The following CFAP74 variants were observed in gnomAD, a reference collection of about 807,000 sequenced individuals.
CFAP74 encodes the protein cilia and flagella associated protein 74.
CFAP74 carries 124 observed loss-of-function variants against 188.9 expected under a neutral mutation model. That is an observed-to-expected ratio of 0.66 (90% CI 0.57 to 0.76). CFAP74 has a LOEUF of 0.76. CFAP74 is among the 30% of genes least tolerant of loss of function. The pLI, the probability that CFAP74 is intolerant of heterozygous loss-of-function variation, is 0.00. For missense variants in CFAP74, 2,198 were observed against 2,165.2 expected (o/e 1.02, Z -0.30); for synonymous variants, 956 against 916.7 (o/e 1.04, Z -0.77).
At chr1:1,936,586 C>G (rs1424674824) in intron 25 of CFAP74, among the ~76,000 whole-genome samples, 1 of 151,830 alleles carries the variant, frequency 6.6e-6, no homozygotes, top group Non-Finnish European at 1.5e-5. Context: ...AAGAAAAGCT[C>G]TCTGAACTGG....
chr1:1,967,643 G>C (rs1655564519), intron 11 of CFAP74, among the ~76,000 whole-genome samples: 1 of 152,170 alleles, frequency 6.6e-6, no homozygotes, highest in Non-Finnish European at 1.5e-5. Flanking sequence ...AGACCCTGTG[G>C]AGGCCAAAGC....
At chr1:1,943,618 C>T (rs1224705071) in intron 21 of CFAP74, among the ~76,000 whole-genome samples, 1 of 152,242 alleles carries the variant, frequency 6.6e-6, no homozygotes, top group Non-Finnish European at 1.5e-5. Flanking sequence ...GTCTGGAGCC[C>T]TTGCCAAACC....
intron 1 of CFAP74, among the ~76,000 whole-genome samples, chr1:1,996,499 G>C (rs758715357): frequency 6.6e-6 from 1 of 152,154 alleles, no homozygotes; most frequent in Non-Finnish European, 1.5e-5. Flanking sequence ...TGCACTTCAC[G>C]TTGATTGATC....
At chr1:1,946,122 C>T (rs992960267) in intron 20 of CFAP74, among the ~76,000 whole-genome samples, 195 bp downstream of exon 20, 12 of 151,908 alleles carry the variant, frequency 7.9e-5, no homozygotes, top group Admixed American at 5.2e-4. Flanking sequence ...GCATGCCTGC[C>T]TGTGTATGCC....
At chr1:1,980,056 G>A (rs1240310843) in intron 6 of CFAP74, among the ~76,000 whole-genome samples, 2 of 151,342 alleles carry the variant, frequency 1.3e-5, no homozygotes, top group Admixed American at 1.3e-4. Flanking sequence ...CACGCAGTGG[G>A]CACCCTCTTA....
intron 25 of CFAP74, among the ~76,000 whole-genome samples, chr1:1,934,612 T>G (rs1412190413): frequency 6.7e-6 from 1 of 149,408 alleles, no homozygotes; most frequent in Non-Finnish European, 1.5e-5. Context: ...TATGTGTGTG[T>G]GTTAGGTTGT....
Position 1,922,723 on chromosome 1 carries a change from T to A in CFAP74, c.4684A>T (p.Thr1562Ser). 6.2e-7 allele frequency: 1 copy of A among 1,603,118 alleles called. No homozygotes were observed. Among genetic ancestry groups the A allele is most frequent in the South Asian group, 1.1e-5 (1 of 90,102 alleles). Residue 1562 changes from threonine (T) to serine (S), a missense_variant and splice_region_variant, in exon 38 of 39, where the codon ACC (threonine) becomes TCC (serine). By Grantham distance (58) the Thr-to-Ser change is moderately conservative (BLOSUM62 1). Transcript: ENST00000682832. ...ACGCTGTCTATGCTGAACTCAACGG[T>A]CTGTGGGGTATGGGGCTCCTGTAGG... ...IRTTQPSPKKTVEFSIDSVAS... is the reference protein window; with the variant it reads ...IRTTQPSPKKSVEFSIDSVAS...
At chr1:1,970,448 G>A (rs900506138) in intron 10 of CFAP74, among the ~76,000 whole-genome samples, 11 of 152,176 alleles carry the variant, frequency 7.2e-5, no homozygotes, top group Non-Finnish European at 1.3e-4. Flanking sequence ...GCGTGGACTG[G>A]AGTAGGGGCA....
At chr1:1,947,691 G>A (rs1018654711) in intron 18 of CFAP74, among the ~76,000 whole-genome samples, 1 of 152,232 alleles carries the variant, frequency 6.6e-6, no homozygotes, top group African/African-American at 2.4e-5. Flanking sequence ...CTGCCCGGTC[G>A]GGTCAGAGCA....
intron 1 of CFAP74, among the ~76,000 whole-genome samples, chr1:1,995,180 G>T (rs1038072343): frequency 2.6e-5 from 4 of 152,028 alleles, no homozygotes. Flanking sequence ...TGCCGGATAG[G>T]ACTGTACTTT....
intron 22 of CFAP74, among the ~76,000 whole-genome samples, chr1:1,941,530 C>T (rs1159460558): frequency 5.3e-5 from 8 of 152,236 alleles, no homozygotes; most frequent in Non-Finnish European, 1.0e-4. Context: ...ACCCTCAAGA[C>T]ACAGGTAAAG....
Position 1,981,647 on chromosome 1 carries a change from C to T in CFAP74, c.500+3739G>A, listed in dbSNP as rs1291885209. 6.3e-5 allele frequency among the ~76,000 whole-genome samples: 5 copies of T among 79,088 alleles called. 1 individual carries two copies. The highest frequency in any genetic ancestry group is 1.2e-4 in the Non-Finnish European group (5 of 41,070). 51.9% of individuals were successfully genotyped at this position (79,088 alleles called of 152,430 possible). A position where few individuals can be genotyped will look rare whatever the true frequency, so the allele number is the denominator to read the frequency against. On this transcript the variant is annotated intron_variant, in intron 6 of 38. Coordinates refer to ENST00000682832, the MANE Select transcript of CFAP74 (RefSeq NM_001304360.2). ...CACGGGGGCACGCAGGACACACAGC[C>T]GCGGACAGACACAGGGGCACGCAGG...
At chr1:1,956,492 C>A in intron 17 of CFAP74, 128 bp downstream of exon 17, 1 of 1,139,814 alleles carries the variant, frequency 8.8e-7, no homozygotes, top group South Asian at 1.4e-5. Context: ...TTGAGGAGGC[C>A]CCCACACTGC....
intron 10 of CFAP74, among the ~76,000 whole-genome samples, chr1:1,970,116 G>A (rs566584080): frequency 4.6e-5 from 7 of 152,068 alleles, no homozygotes; most frequent in East Asian, 1.9e-4. Context: ...ATGGGCCCCC[G>A]TTTGGAGAAG....
intron 25 of CFAP74, among the ~76,000 whole-genome samples, chr1:1,938,451 C>G (rs972698093): frequency 6.7e-6 from 1 of 150,252 alleles, no homozygotes; most frequent in Non-Finnish European, 1.5e-5. Context: ...CTCACACACA[C>G]ACTCCCACAG....
At chr1:1,970,842 ACAG>A in intron 9 of CFAP74, 26 bp from the exon 10 acceptor site, 1 of 1,612,432 alleles carries the variant, frequency 6.2e-7, no homozygotes. Context: ...CACTGAGATG[ACAG>A]CAGCAGCACC....
rs1463242129 is a variant in CFAP74, at chr1:1,935,180, TGTTAG to T, written c.3011+3670_3011+3674del. Among the ~76,000 whole-genome samples the T allele has an allele frequency of 8.4e-5, 6 of 71,820 alleles. 2 individuals carry two copies. The highest frequency in any genetic ancestry group is 4.8e-4 in the Admixed American group (3 of 6,232). The allele number at this position is 71,820 out of a possible 152,430, so 47.1% of individuals were successfully genotyped here. ...GTAGGTACACACGTGTGTACGTGGG[TGTTAG>T]GTTGTGGGTACACACGTGTACGTGG... On this transcript the variant is annotated intron_variant, in intron 25 of 38. Transcript: ENST00000682832.
At chr1:1,990,808 G>A in intron 2 of CFAP74, 82 bp downstream of exon 2, 1 of 1,013,094 alleles carries the variant, frequency 9.9e-7, no homozygotes, top group Non-Finnish European at 1.5e-6. Flanking sequence ...AGAAATAAAG[G>A]GAATTAAAGG....
intron 12 of CFAP74, 28 bp downstream of exon 12, chr1:1,966,343 A>G (rs763809992): frequency 6.8e-7 from 1 of 1,466,362 alleles, no homozygotes; most frequent in Non-Finnish European, 9.1e-7. Flanking sequence ...GTCCGTCTGC[A>G]AGCGTCTAAA....
Sources: gnomAD v4.1 joint callset for allele counts (sites outside exome capture counted in the v4.1 genomes callset) on GRCh38, gnomAD v4.1.1 for gene constraint, MANE v1.5 for transcripts, NCBI Gene and HGNC (gene_info 2026-07-23, HGNC 2026-07-21) for gene names.